The following GRXCR1 variants were observed in gnomAD, a reference collection of about 807,000 sequenced individuals.
GRXCR1 encodes the protein glutaredoxin and cysteine rich domain containing 1, also known as glutaredoxin domain-containing cysteine-rich protein 1.
Under a neutral mutation model 27.3 loss-of-function variants are expected in GRXCR1, and 27 were observed. The observed-to-expected ratio is 0.99, with a 90% CI of 0.73 to 1.37. GRXCR1 has a LOEUF of 1.37. Among genes scored for constraint, GRXCR1 ranks in the 40% most tolerant of loss-of-function variants. GRXCR1 has a pLI of 0.00. For synonymous variants in GRXCR1, 122 were observed against 131.1 expected, an observed-to-expected ratio of 0.93 and a Z score of 0.47; for missense variants, 379 against 354.4, an observed-to-expected ratio of 1.07 and a Z score of -0.56.
At chr4:42,908,313 G>A (rs1176356911) in intron 1 of GRXCR1, among the ~76,000 whole-genome samples, 2 of 152,180 alleles carry the variant, frequency 1.3e-5, no homozygotes, top group African/African-American at 4.8e-5. Context: ...GGTCTGGTAG[G>A]GTAGATGCTG....
At chr4:43,014,500 G>C (rs1230149255) in intron 2 of GRXCR1, among the ~76,000 whole-genome samples, 1 of 152,154 alleles carries the variant, frequency 6.6e-6, no homozygotes, top group Non-Finnish European at 1.5e-5. Context: ...ATAGCAGAAG[G>C]ATCCTTTATC....
chr4:42,986,102 T>G (rs1367880877), intron 2 of GRXCR1, among the ~76,000 whole-genome samples: 1 of 152,214 alleles, frequency 6.6e-6, no homozygotes, highest in Admixed American at 6.5e-5. Flanking sequence ...GTTGTGGTTT[T>G]GTTTTGTTTT....
chr4:42,966,046 G>GAA (rs113913833), intron 2 of GRXCR1, among the ~76,000 whole-genome samples: 54 of 150,916 alleles, frequency 3.6e-4, no homozygotes, highest in African/African-American at 1.3e-3. Context: ...AACAGTCAAG[G>GAA]AAAAAAAAAT....
chr4:42,940,609 G>A (rs6818503), intron 1 of GRXCR1, among the ~76,000 whole-genome samples: 30,048 of 151,948 alleles, frequency 0.2, 3,118 homozygotes, highest in African/African-American at 0.25. Context: ...TTAATATATT[G>A]CAATAAATGA....
chr4:42,908,669 C>T, intron 1 of GRXCR1, among the ~76,000 whole-genome samples: 1 of 152,178 alleles, frequency 6.6e-6, no homozygotes, highest in East Asian at 1.9e-4. Flanking sequence ...CGCATCAAAA[C>T]ATCTACTACA....
chr4:42,901,502 C>A (rs1746459316), intron 1 of GRXCR1, among the ~76,000 whole-genome samples: 1 of 152,154 alleles, frequency 6.6e-6, no homozygotes, highest in Non-Finnish European at 1.5e-5. Flanking sequence ...TTCTCTAACT[C>A]TATTGCCCTC....
chr4:42,968,474 AAAC>A (rs1748301483), intron 2 of GRXCR1, among the ~76,000 whole-genome samples: 2 of 152,068 alleles, frequency 1.3e-5, no homozygotes, highest in Non-Finnish European at 1.5e-5. Flanking sequence ...CACACACACT[AAAC>A]AACAATGAAA....
Position 42,893,604 on chromosome 4 carries a change from T to C in GRXCR1, c.338T>C (p.Val113Ala), listed in dbSNP as rs570302879. The C allele has an allele frequency of 3.1e-6, 5 of 1,613,676 alleles. No individual in the cohort carries two copies. In the African/African-American group the frequency reaches 6.7e-5, roughly 22 times the overall value. ...NGTVRGVKYK[V>A]SAGQALFNNL... ...ACAGTCAGAGGCGTCAAATACAAAGTGAGTGCTGGCCAGGCTCTATTTAAC... is the reference window on the plus strand; with the variant it reads ...ACAGTCAGAGGCGTCAAATACAAAGCGAGTGCTGGCCAGGCTCTATTTAAC... Residue 113 changes from valine to alanine, a missense_variant, in exon 1 of 4, where the codon GTG becomes GCG. Transcript: ENST00000399770.
At chr4:42,967,533 C>A (rs10007716) in intron 2 of GRXCR1, among the ~76,000 whole-genome samples, 10 of 152,026 alleles carry the variant, frequency 6.6e-5, no homozygotes, top group South Asian at 2.1e-4. Flanking sequence ...GTATAACAAC[C>A]GTTTCAACCT....
chr4:42,895,181 A>C (rs1746319799), intron 1 of GRXCR1, among the ~76,000 whole-genome samples: 1 of 152,136 alleles, frequency 6.6e-6, no homozygotes, highest in Non-Finnish European at 1.5e-5. Context: ...AAGAAATTCC[A>C]AAATCAAAAT....
At chr4:43,026,108 C>T (rs1354527069) in intron 3 of GRXCR1, among the ~76,000 whole-genome samples, 1 of 152,000 alleles carries the variant, frequency 6.6e-6, no homozygotes, top group African/African-American at 2.4e-5. Context: ...TCTGTTTCAT[C>T]AACTTCAGTT....
At chr4:42,978,954 C>T (rs1748587213) in intron 2 of GRXCR1, among the ~76,000 whole-genome samples, 1 of 152,014 alleles carries the variant, frequency 6.6e-6, no homozygotes, top group South Asian at 2.1e-4. Context: ...TCCCTCTTCA[C>T]TTGGGACTTT....
intron 2 of GRXCR1, among the ~76,000 whole-genome samples, chr4:43,007,887 A>G (rs1712614895): frequency 6.6e-6 from 1 of 152,162 alleles, no homozygotes; most frequent in African/African-American, 2.4e-5. Context: ...ACCTCATAAT[A>G]TCTTAACTGG....
intron 1 of GRXCR1, among the ~76,000 whole-genome samples, chr4:42,950,753 C>G (rs1747864525): frequency 6.6e-6 from 1 of 152,078 alleles, no homozygotes; most frequent in South Asian, 2.1e-4. Flanking sequence ...TATTAGAGAA[C>G]AGAAAACCTA....
At chr4:42,979,368 A>T (rs7664353) in intron 2 of GRXCR1, among the ~76,000 whole-genome samples, 72,210 of 151,750 alleles carry the variant, frequency 0.48, 18,492 homozygotes, top group African/African-American at 0.68. Flanking sequence ...CTATATCTAA[A>T]TTGTTGAGAG....
chr4:42,992,521 T>C (rs1712006262), intron 2 of GRXCR1, among the ~76,000 whole-genome samples: 1 of 152,152 alleles, frequency 6.6e-6, no homozygotes, highest in Non-Finnish European at 1.5e-5. Context: ...TTTTAATTTT[T>C]GAATTACAGT....
At chr4:43,016,482 T>C (rs1446049892) in intron 2 of GRXCR1, among the ~76,000 whole-genome samples, 1 of 152,204 alleles carries the variant, frequency 6.6e-6, no homozygotes, top group Middle Eastern at 3.2e-3. Flanking sequence ...AAATTTGCCT[T>C]ACTACTTGTG....
chr4:43,027,698 A>T (rs1022128694), intron 3 of GRXCR1, among the ~76,000 whole-genome samples: 6 of 152,202 alleles, frequency 3.9e-5, no homozygotes, highest in Admixed American at 3.3e-4. Context: ...GCTATTCAAG[A>T]ATATGGTCAT....
intron 1 of GRXCR1, among the ~76,000 whole-genome samples, chr4:42,955,979 C>T (rs1577919857): frequency 6.6e-6 from 1 of 152,098 alleles, no homozygotes; most frequent in Non-Finnish European, 1.5e-5. Context: ...GGATTAGTTT[C>T]AGTGGATGTG....
Sources: gnomAD v4.1 joint callset for allele counts (sites outside exome capture counted in the v4.1 genomes callset) on GRCh38, gnomAD v4.1.1 for gene constraint, MANE v1.5 for transcripts, NCBI Gene and HGNC (gene_info 2026-07-23, HGNC 2026-07-21) for gene names.